The following FMNL2 variants were observed in gnomAD, a reference collection of about 807,000 sequenced individuals.
The protein encoded by FMNL2 is formin like 2, also known as formin-like protein 2.
A neutral mutation model predicts 130.2 loss-of-function variants in FMNL2; 51 were observed. The ratio of observed to expected loss-of-function variants is 0.39; its 90% confidence interval spans 0.31 to 0.49. The LOEUF is 0.49. Ranked by LOEUF, FMNL2 falls within the 20% of genes least tolerant of loss-of-function variation. The probability of loss-of-function intolerance (pLI) is 0.85; values close to 1 mark genes in which losing one functional copy is unlikely to be tolerated. For synonymous variants in FMNL2, 465 were observed against 467.1 expected (o/e 1.00, Z 0.06); for missense variants, 977 against 1,316.2 (o/e 0.74, Z 3.99).
intron 4 of FMNL2, among the ~76,000 whole-genome samples, chr2:152,557,254 T>TAGGTCTCATAACAA: frequency 6.6e-6 from 1 of 152,302 alleles, no homozygotes; most frequent in Non-Finnish European, 1.5e-5. Flanking sequence ...CCTCCACCAG[T>TAGGTCTCATAACAA]AGCCAGCCCT....
At chr2:152,363,916 C>A (rs4547484) in intron 1 of FMNL2, among the ~76,000 whole-genome samples, 1 of 151,684 alleles carries the variant, frequency 6.6e-6, no homozygotes, top group African/African-American at 2.4e-5. Flanking sequence ...CAATACTCTA[C>A]ATGAATATTT....
chr2:152,364,261 GTTTTTTTTT>G (rs869062341), intron 1 of FMNL2, among the ~76,000 whole-genome samples: 8 of 24,460 alleles, frequency 3.3e-4, no homozygotes, highest in African/African-American at 6.4e-4. Context: ...AGGTTTGTGT[GTTTTTTTTT>G]TTTTTTTTTT....
At chr2:152,419,477 A>T (rs1686792872) in intron 1 of FMNL2, among the ~76,000 whole-genome samples, 1 of 152,186 alleles carries the variant, frequency 6.6e-6, no homozygotes, top group African/African-American at 2.4e-5. Flanking sequence ...ATGTTCTTAC[A>T]TATGTGGGAT....
rs181674662 is a variant in FMNL2, at chr2:152,399,467, G to A, written c.117+63747G>A. On this transcript the variant is annotated intron_variant, in intron 1 of 25. Coordinates refer to ENST00000288670, the MANE Select transcript of FMNL2 (RefSeq NM_052905.4). ...AGTATTTTCTTCATAGTATTGAAAG[G>A]AAGTAGGAGACAAAAGCCTGGGTGG... Among the ~76,000 whole-genome samples, 17 of 152,304 alleles carry A rather than the reference G, an allele frequency of 1.1e-4. No individual in the cohort carries two copies. In the East Asian group the frequency reaches 2.7e-3, roughly 24 times the overall value.
chr2:152,403,725 C>G (rs1685831605), intron 1 of FMNL2, among the ~76,000 whole-genome samples: 1 of 152,156 alleles, frequency 6.6e-6, no homozygotes, highest in African/African-American at 2.4e-5. Flanking sequence ...TTCACGTCAC[C>G]TTTGTGACCC....
Position 152,636,478 on chromosome 2 carries a change from A to C in FMNL2, c.2732A>C (p.Asp911Ala). ...LDVKELQRGM[D>A]LTKREYTMHD... ...GTCAAGGAGCTCCAGAGGGGAATGGACTTGACCAAGAGAGAGTACACCATG... is the reference window on the plus strand; with the variant it reads ...GTCAAGGAGCTCCAGAGGGGAATGGCCTTGACCAAGAGAGAGTACACCATG... The change falls in exon 22 of 26, where the codon GAC (aspartate) becomes GCC (alanine). Residue 911 changes from aspartate (D) to alanine (A), a missense_variant. Asp to Ala is a moderately radical substitution (Grantham distance 126). This residue lies in a region of FMNL2 where 689 missense variants were observed against 995.9 expected (regional missense o/e 0.69). Transcript: ENST00000288670. 6.2e-7 allele frequency: 1 copy of C among 1,611,906 alleles called. No individual in the cohort carries two copies. The highest frequency in any genetic ancestry group is 8.5e-7 in the Non-Finnish European group (1 of 1,179,002).
chr2:152,470,807 A>G (rs1689819057), intron 1 of FMNL2, among the ~76,000 whole-genome samples: 1 of 152,238 alleles, frequency 6.6e-6, no homozygotes. Flanking sequence ...TACATGAATG[A>G]GAGACCTAAG....
intron 1 of FMNL2, among the ~76,000 whole-genome samples, chr2:152,436,087 G>A (rs947146252): frequency 9.2e-5 from 14 of 151,384 alleles, no homozygotes; most frequent in African/African-American, 3.4e-4. Context: ...TACCTCAAAT[G>A]CAAAACACCA....
chr2:152,618,685 C>A (rs572667927), intron 13 of FMNL2, among the ~76,000 whole-genome samples, 161 bp from the exon 14 acceptor site: 4 of 152,316 alleles, frequency 2.6e-5, no homozygotes, highest in Admixed American at 2.6e-4. Flanking sequence ...TACTAGCATA[C>A]AACTAATAAT....
intron 1 of FMNL2, among the ~76,000 whole-genome samples, chr2:152,432,985 T>C (rs1203149234): frequency 1.3e-5 from 2 of 152,202 alleles, no homozygotes; most frequent in African/African-American, 4.8e-5. Context: ...GACCCGGGCT[T>C]GAGTTCTGCC....
intron 9 of FMNL2, among the ~76,000 whole-genome samples, chr2:152,587,001 C>G (rs2105752578): frequency 6.6e-6 from 1 of 152,250 alleles, no homozygotes; most frequent in East Asian, 1.9e-4. Context: ...GGCTGTTTCA[C>G]CCACATACCT....
chr2:152,577,594 C>A (rs938393311), intron 7 of FMNL2, among the ~76,000 whole-genome samples: 16 of 151,952 alleles, frequency 1.1e-4, no homozygotes, highest in Non-Finnish European at 2.2e-4. Flanking sequence ...GTCAGAGAGA[C>A]GAAGAAAAGC....
intron 1 of FMNL2, among the ~76,000 whole-genome samples, chr2:152,450,831 C>T (rs369217082): frequency 1.6e-4 from 24 of 152,322 alleles, no homozygotes; most frequent in African/African-American, 5.5e-4. Context: ...AAATCATTGA[C>T]GGTTGTCATC....
At position 152,344,083 on chromosome 2, in the gene FMNL2, T is replaced by C. The variant is rs565547557; in HGVS notation, c.117+8363T>C. Among the ~76,000 whole-genome samples, 13 of 152,166 alleles carry C rather than the reference T, an allele frequency of 8.5e-5. No individual in the cohort carries two copies. The South Asian group carries it at 2.7e-3, about 32-fold the overall frequency. Reference sequence around the variant, plus strand: ...AGGAGGATTGCTTGAGCCCAGAAGTTTGAGGTTGCAGTGAGCTATGATCAT... The same window carrying C: ...AGGAGGATTGCTTGAGCCCAGAAGTCTGAGGTTGCAGTGAGCTATGATCAT... On this transcript the variant is annotated intron_variant, in intron 1 of 25. Transcript: ENST00000288670.
At chr2:152,429,684 TG>T (rs1269127709) in intron 1 of FMNL2, among the ~76,000 whole-genome samples, 1 of 151,990 alleles carries the variant, frequency 6.6e-6, no homozygotes. Context: ...TTTGGGGAAA[TG>T]CTCTTTCTTT....
At chr2:152,473,906 G>T (rs551837009) in intron 1 of FMNL2, among the ~76,000 whole-genome samples, 1 of 151,912 alleles carries the variant, frequency 6.6e-6, no homozygotes, top group Non-Finnish European at 1.5e-5. Flanking sequence ...TTAGAGTCTC[G>T]CTCTGTCGCC....
intron 1 of FMNL2, among the ~76,000 whole-genome samples, chr2:152,478,402 TA>T (rs1690289106): frequency 6.6e-6 from 1 of 151,838 alleles, no homozygotes; most frequent in African/African-American, 2.4e-5. Context: ...CGTGCCCAGC[TA>T]ATTTTTGTAT....
At chr2:152,459,989 T>C (rs565386080) in intron 1 of FMNL2, among the ~76,000 whole-genome samples, 4 of 152,350 alleles carry the variant, frequency 2.6e-5, no homozygotes, top group East Asian at 3.9e-4. Flanking sequence ...TATTATCTTT[T>C]GTTGAAAGAA....
rs1686314373 is a variant in FMNL2 at position 152,412,028 on chromosome 2, G to T, written c.117+76308G>T. ...AGTGTCATTTGGAAGCCAAACAGTA[G>T]GTTACAAACTCATTTTGGGTTAATC... On this transcript the variant is annotated intron_variant, in intron 1 of 25. Coordinates refer to ENST00000288670, the MANE Select transcript of FMNL2 (RefSeq NM_052905.4). Among the ~76,000 whole-genome samples the T allele has an allele frequency of 1.3e-5, 2 of 152,064 alleles. 1 individual carries two copies. Among genetic ancestry groups the T allele is most frequent in the South Asian group, 4.1e-4 (2 of 4,820 alleles).
Sources: allele counts gnomAD v4.1 joint callset (sites outside exome capture counted in the v4.1 genomes callset), GRCh38; gene constraint gnomAD v4.1.1; regional missense constraint gnomAD v4.1.1; transcripts MANE v1.5; gene names NCBI Gene and HGNC (gene_info 2026-07-23, HGNC 2026-07-21).